ZNF608: variants seen among roughly 807,000 people sequenced by gnomAD.
ZNF608 encodes renal carcinoma antigen NY-REN-36.
A neutral mutation model predicts 109.0 loss-of-function variants in ZNF608; 12 were observed. That is an observed-to-expected ratio of 0.11 (90% CI 0.07 to 0.18). The LOEUF (loss-of-function observed/expected upper bound fraction) is 0.18. Among genes scored for constraint, ZNF608 ranks in the 10% least tolerant of loss-of-function variants. ZNF608 has a pLI of 1.00. For synonymous variants in ZNF608, 732 were observed against 717.4 expected, an observed-to-expected ratio of 1.02 and a Z score of -0.33; for missense variants, 1,707 against 1,879.3, an observed-to-expected ratio of 0.91 and a Z score of 1.70.
At chr5:124,740,703 C>T (rs1749357852) in intron 2 of ZNF608, among the ~76,000 whole-genome samples, 1 of 152,184 alleles carries the variant, frequency 6.6e-6, no homozygotes, top group South Asian at 2.1e-4. Flanking sequence ...ATGACCAGGG[C>T]CATCTTAATG....
Position 124,708,193 on chromosome 5 carries a change from C to T in ZNF608, c.907-6924G>A, listed in dbSNP as rs150342733. On this transcript the variant is annotated intron_variant, in intron 2 of 9. Transcript: ENST00000513986. ...AGTAACATCAGCAGCTACTTTTTAA[C>T]ACATACAACATAGAGGAATTATAAC... Among the ~76,000 whole-genome samples, 20 of 152,302 alleles carry T rather than the reference C, an allele frequency of 1.3e-4. No individual in the cohort carries two copies. In the East Asian group the frequency reaches 3.5e-3, roughly 26 times the overall value.
rs371916876 is a variant in ZNF608 at position 124,646,654 on chromosome 5, T to C, written c.3705+25A>G. The stretch of plus-strand genomic sequence containing the variant: ...CAAGTCTCAGACTGCTCTCTCCCTG[T>C]TGGGGCCACGCTCCACAATCTTACT... On this transcript the variant is annotated intron_variant, in intron 5 of 9. Transcript: ENST00000513986. The C allele has an allele frequency of 4.5e-4, 711 of 1,596,148 alleles. 1 individual carries two copies. Among genetic ancestry groups the C allele is most frequent in the Non-Finnish European group, 5.7e-4 (671 of 1,168,534 alleles).
intron 3 of ZNF608, among the ~76,000 whole-genome samples, chr5:124,668,423 G>T (rs1751577016): frequency 6.6e-6 from 1 of 151,060 alleles, no homozygotes; most frequent in Non-Finnish European, 1.5e-5. Context: ...TAATTTTCAA[G>T]CACAAAAGAA....
chr5:124,698,198 T>C (rs1335732536), intron 3 of ZNF608, among the ~76,000 whole-genome samples: 1 of 152,222 alleles, frequency 6.6e-6, no homozygotes, highest in Non-Finnish European at 1.5e-5. Flanking sequence ...TCTGTGTCTC[T>C]CTTTGTTTCT....
intron 5 of ZNF608, 56 bp from the exon 6 acceptor site, chr5:124,644,717 T>C: frequency 6.9e-7 from 1 of 1,459,446 alleles, no homozygotes; most frequent in South Asian, 1.4e-5. Context: ...AAAATTTCAA[T>C]TTTAAAGAAA....
intron 2 of ZNF608, among the ~76,000 whole-genome samples, chr5:124,706,067 T>C (rs1283222801): frequency 6.6e-6 from 1 of 152,134 alleles, no homozygotes; most frequent in Non-Finnish European, 1.5e-5. Context: ...ATAGCAAAAT[T>C]ACAAGGATAA....
At chr5:124,672,218 A>G (rs1297969080) in intron 3 of ZNF608, among the ~76,000 whole-genome samples, 1 of 152,202 alleles carries the variant, frequency 6.6e-6, no homozygotes, top group African/African-American at 2.4e-5. Flanking sequence ...CTCATTAATT[A>G]TAAGGGAGGT....
intron 3 of ZNF608, among the ~76,000 whole-genome samples, chr5:124,667,008 C>T (rs1751506896): frequency 6.6e-6 from 1 of 151,964 alleles, no homozygotes; most frequent in East Asian, 1.9e-4. Flanking sequence ...GTAAATATGG[C>T]CAGTACAGAT....
chr5:124,646,867 C>T lies in ZNF608; in HGVS notation c.3517G>A (p.Val1173Met). 1 of 1,614,226 alleles carries T rather than the reference C, an allele frequency of 6.2e-7. No homozygotes were observed. The change falls in exon 5 of 10, where the codon GTG becomes ATG. Residue 1173 changes from valine (V) to methionine (M), a missense_variant. By Grantham distance (21) the Val-to-Met change is conservative (BLOSUM62 1). Coordinates refer to ENST00000513986, the MANE Select transcript of ZNF608 (RefSeq NM_020747.3). ...CCTGTCTCCTCAGTTTTATTAGGCA[C>T]TGATGGCCCTAGTTTAGAATGGTTT... The part of the protein sequence containing the change: ...NKNHSKLGPS[V>M]PNKTEETGKS...
chr5:124,714,308 A>T (rs1166309773), intron 2 of ZNF608, among the ~76,000 whole-genome samples: 1 of 152,204 alleles, frequency 6.6e-6, no homozygotes, highest in Non-Finnish European at 1.5e-5. Context: ...TCTCAAACAC[A>T]TTCTGTTGAG....
intron 3 of ZNF608, among the ~76,000 whole-genome samples, chr5:124,650,832 G>T (rs1329324678): frequency 6.6e-6 from 1 of 152,194 alleles, no homozygotes; most frequent in African/African-American, 2.4e-5. Flanking sequence ...TTGCTCACTT[G>T]CATTACCATT....
chr5:124,740,987 CA>C (rs2149903994), intron 2 of ZNF608, among the ~76,000 whole-genome samples: 1 of 152,134 alleles, frequency 6.6e-6, no homozygotes, highest in East Asian at 1.9e-4. Context: ...AGCTTCAATA[CA>C]AGGCTATTAT....
intron 3 of ZNF608, among the ~76,000 whole-genome samples, chr5:124,660,252 T>C (rs1751196402): frequency 6.6e-6 from 1 of 152,130 alleles, no homozygotes; most frequent in Admixed American, 6.5e-5. Flanking sequence ...ACATTTTGTG[T>C]GTCACCAAAA....
At chr5:124,677,905 A>G (rs6873302) in intron 3 of ZNF608, among the ~76,000 whole-genome samples, 1,835 of 152,272 alleles carry the variant, frequency 0.012, 33 homozygotes, top group African/African-American at 0.042. Flanking sequence ...GACACCAGGA[A>G]GCAGCTCTCA....
At chr5:124,708,750 G>C (rs527849085) in intron 2 of ZNF608, 1 of 456,298 alleles carries the variant, frequency 2.2e-6, no homozygotes, top group East Asian at 6.9e-5. Context: ...GTGCTGTTCA[G>C]GCTTAGCAGC....
At chr5:124,740,232 A>G (rs1399688669) in intron 2 of ZNF608, among the ~76,000 whole-genome samples, 1 of 152,158 alleles carries the variant, frequency 6.6e-6, no homozygotes, top group African/African-American at 2.4e-5. Flanking sequence ...CCTAAGTTCC[A>G]TGTGTTCTTG....
At chr5:124,643,094 C>A (rs951556863) in intron 7 of ZNF608, among the ~76,000 whole-genome samples, 10 of 152,080 alleles carry the variant, frequency 6.6e-5, no homozygotes, top group Non-Finnish European at 1.2e-4. Flanking sequence ...TTTTGAAAAG[C>A]TTGATTTGCC....
chr5:124,644,781 CATTT>C (rs2149785504), intron 5 of ZNF608, 120 bp from the exon 6 acceptor site: 1 of 861,170 alleles, frequency 1.2e-6, no homozygotes, highest in East Asian at 2.7e-5. Context: ...GCTAAGTTGA[CATTT>C]ATTTCTGTGC....
At chr5:124,699,210 A>AACGCCTT (rs1352939367) in intron 3 of ZNF608, among the ~76,000 whole-genome samples, 1 of 152,174 alleles carries the variant, frequency 6.6e-6, no homozygotes. Context: ...TGTCAGTCTG[A>AACGCCTT]ACGCCTTATC....
Sources: gnomAD v4.1 joint callset for allele counts (sites outside exome capture counted in the v4.1 genomes callset) on GRCh38, gnomAD v4.1.1 for gene constraint, MANE v1.5 for transcripts, NCBI Gene and HGNC (gene_info 2026-07-23, HGNC 2026-07-21) for gene names.